Variants in SLC60A2 observed in about 807,000 individuals in gnomAD.
SLC60A2 encodes the protein solute carrier family 60 member 2.
chr6:111,266,819 C>T, the SLC60A2 span: 3 of 1,613,858 alleles, frequency 1.9e-6, no homozygotes, highest in South Asian at 3.3e-5. Context: ...GAAAAGAAGA[C>T]AGAAAGAGTG....
At chr6:111,269,839 A>G in the SLC60A2 span, 5 of 152,338 alleles carry the variant, frequency 3.3e-5, no homozygotes, top group East Asian at 5.8e-4. Flanking sequence ...GTACAATTCT[A>G]AGAATTAGCA....
the SLC60A2 span, among the ~76,000 whole-genome samples, chr6:111,273,156 TTA>T: frequency 7.2e-5 from 11 of 152,156 alleles, no homozygotes; most frequent in African/African-American, 1.4e-4. Flanking sequence ...TCAGAAAAGA[TTA>T]TATGTTTTTT....
chr6:111,268,814 G>C, the SLC60A2 span: 4 of 152,220 alleles, frequency 2.6e-5, no homozygotes, highest in Non-Finnish European at 5.9e-5. Flanking sequence ...TCCTGAGTCT[G>C]AAATACCTGG....
chr6:111,259,793 C>G, the SLC60A2 span: 3 of 1,485,354 alleles, frequency 2.0e-6, no homozygotes, highest in Non-Finnish European at 2.7e-6. Context: ...CACTTGCAAA[C>G]TGACCTTGGG....
the SLC60A2 span, chr6:111,265,974 C>T: frequency 1.2e-6 from 2 of 1,614,194 alleles, no homozygotes; most frequent in South Asian, 1.1e-5. Flanking sequence ...TTTGGCTCCA[C>T]TGCTAGCTAA....
the SLC60A2 span, chr6:111,268,972 A>T: frequency 2.6e-5 from 4 of 152,170 alleles, no homozygotes; most frequent in Admixed American, 2.0e-4. Flanking sequence ...TTTTTTGCTG[A>T]ATAACATCTC....
the SLC60A2 span, chr6:111,267,157 C>T: frequency 5.8e-6 from 9 of 1,548,606 alleles, no homozygotes; most frequent in Non-Finnish European, 7.9e-6. Context: ...TGAATAACTG[C>T]CACTTCTAAG....
the SLC60A2 span, chr6:111,266,331 A>G: frequency 2.5e-6 from 4 of 1,613,854 alleles, no homozygotes; most frequent in South Asian, 1.1e-5. Flanking sequence ...CTCATTTGCA[A>G]CCACCCATGC....
At chr6:111,279,261 CTTTCTTT>C in the SLC60A2 span, among the ~76,000 whole-genome samples, 1 of 150,362 alleles carries the variant, frequency 6.7e-6, no homozygotes. Flanking sequence ...CACTTTCTTT[CTTTCTTT>C]TTTTTTTTTT....
the SLC60A2 span, chr6:111,269,822 A>G: frequency 6.6e-6 from 1 of 152,198 alleles, no homozygotes; most frequent in East Asian, 1.9e-4. Context: ...TGGAAGGAAA[A>G]GACTTAGTAC....
the SLC60A2 span, chr6:111,259,388 T>C: frequency 2.7e-6 from 1 of 372,812 alleles, no homozygotes; most frequent in Non-Finnish European, 4.8e-6. Flanking sequence ...CCGAAGTTCC[T>C]CTTCTCTGCC....
chr6:111,260,061 C>G, the SLC60A2 span, among the ~76,000 whole-genome samples: 1 of 152,112 alleles, frequency 6.6e-6, no homozygotes, highest in Non-Finnish European at 1.5e-5. Context: ...CAGGCGCCTG[C>G]CACTAAGCCC....
chr6:111,272,738 C>G, the SLC60A2 span, among the ~76,000 whole-genome samples: 2 of 152,022 alleles, frequency 1.3e-5, no homozygotes, highest in African/African-American at 4.8e-5. Flanking sequence ...TCTCGAACTC[C>G]TGACCTCAAG....
chr6:111,266,795 T>G, the SLC60A2 span: 1 of 1,613,864 alleles, frequency 6.2e-7, no homozygotes, highest in Admixed American at 1.7e-5. Flanking sequence ...CCACTTCACC[T>G]CTTGATCGCC....
At chr6:111,263,712 T>A in the SLC60A2 span, 1 of 592,806 alleles carries the variant, frequency 1.7e-6, no homozygotes, top group African/African-American at 1.8e-5. Flanking sequence ...AAAACTCTCA[T>A]CTACTCATTA....
the SLC60A2 span, among the ~76,000 whole-genome samples, chr6:111,264,121 G>A: frequency 6.6e-6 from 1 of 152,178 alleles, no homozygotes; most frequent in African/African-American, 2.4e-5. Context: ...CAATTAGGGG[G>A]CCTGTTTCTG....
chr6:111,262,282 C>A, the SLC60A2 span: 13 of 1,613,704 alleles, frequency 8.1e-6, no homozygotes, highest in Middle Eastern at 1.6e-4. Flanking sequence ...ATAGTGGGAC[C>A]CACGTTTCAA....
chr6:111,275,626 T>A, the SLC60A2 span, among the ~76,000 whole-genome samples: 4 of 152,114 alleles, frequency 2.6e-5, no homozygotes, highest in Non-Finnish European at 5.9e-5. Flanking sequence ...GTCAGGCTGG[T>A]CTTGAACTGC....
At chr6:111,264,183 T>C in the SLC60A2 span, among the ~76,000 whole-genome samples, 1 of 152,216 alleles carries the variant, frequency 6.6e-6, no homozygotes. Context: ...GAGAGATAAT[T>C]GATTTACATT....
Sources: gnomAD v4.1 joint callset for allele counts (sites outside exome capture counted in the v4.1 genomes callset) on GRCh38, gnomAD v4.1.1 for gene constraint, MANE v1.5 for transcripts, NCBI Gene and HGNC (gene_info 2026-07-23, HGNC 2026-07-21) for gene names.